The following AQP8 variants were observed in gnomAD, a reference collection of about 807,000 sequenced individuals.
The protein encoded by AQP8 is aquaporin 8, also known as aquaporin-8.
In AQP8, 14 loss-of-function variants were observed where a neutral mutation model predicts 26.1. The observed-to-expected ratio is 0.54, with a 90% confidence interval of 0.35 to 0.84. The LOEUF (loss-of-function observed/expected upper bound fraction) is 0.84, where lower values mean the gene tolerates loss of function less well. Among genes scored for constraint, AQP8 ranks in the 40% least tolerant of loss-of-function variants. The pLI, the probability that AQP8 is intolerant of heterozygous loss-of-function variation, is 0.01. For missense variants in AQP8, 301 were observed against 340.5 expected, an observed-to-expected ratio of 0.88 and a Z score of 0.91; for synonymous variants, 131 against 150.7, an observed-to-expected ratio of 0.87 and a Z score of 0.96.
In AQP8 at chr16:25,217,268, T is replaced by C. The variant is rs1962499896; in HGVS notation, c.83T>C (p.Val28Ala). The C allele has an allele frequency of 1.9e-6, 3 of 1,614,002 alleles. No individual in the cohort carries two copies. Among genetic ancestry groups the C allele is most frequent in the Admixed American group, 3.3e-5 (2 of 59,982 alleles). ...REPSVGGRWR[V>A]SWYERFVQPC... ...CCGAGCGTGGGTGGCAGGTGGCGAG[T>C]GTCCTGGTACGAACGGTTTGTGCAG... The change falls in exon 2 of 6, where the codon GTG becomes GCG. Residue 28 changes from valine to alanine, a missense_variant. Physicochemically the swap from Val to Ala is moderately conservative, Grantham distance 64. Coordinates refer to ENST00000219660, the MANE Select transcript of AQP8 (RefSeq NM_001169.3).
chr16:25,221,416 A>G, intron 2 of AQP8, 41 bp from the exon 3 acceptor site: 12 of 1,603,000 alleles, frequency 7.5e-6, no homozygotes, highest in Non-Finnish European at 1.0e-5. Context: ...CCATGTGGTC[A>G]GCCCTGGGCT....
chr16:25,217,344 C>A lies in AQP8; in HGVS notation c.159C>A (p.Cys53Ter). ...CTGCTCTCTTCATCTTCATCGGGTG[C>A]CTGTCGGTCATTGAGAATGGGACGG... is the stretch of plus-strand genomic sequence containing the variant. ...LGSALFIFIG[C>*]LSVIENGTDT... The change falls in exon 2 of 6, where the codon TGC becomes TGA. Residue 53 changes from cysteine (C) to a stop codon, truncating the protein, a stop_gained. Transcript: ENST00000219660. LOFTEE classifies it high-confidence loss of function. 1 of 1,614,146 alleles carries A rather than the reference C, an allele frequency of 6.2e-7. No homozygotes were observed. The highest frequency in any genetic ancestry group is 8.5e-7 in the Non-Finnish European group (1 of 1,180,010).
chr16:25,224,498 G>T lies in AQP8; in HGVS notation c.524G>T (p.Gly175Val), dbSNP rs749740434. 2.2e-5 allele frequency: 36 copies of T among 1,613,986 alleles called. No homozygotes were observed. Among genetic ancestry groups the T allele is most frequent in the Non-Finnish European group, 3.0e-5 (35 of 1,180,034 alleles). Residue 175 changes from glycine to valine, a missense_variant, in exon 4 of 6, where the codon GGT (glycine) becomes GTT (valine). By Grantham distance (109) the Gly-to-Val change is moderately radical. Coordinates refer to ENST00000219660, the MANE Select transcript of AQP8 (RefSeq NM_001169.3). Reference sequence around the variant, plus strand: ...CTGCTGGCCCTGGCTGTATGCATGGGTGCCATCAATGAGAAGACAAAGGGC... The same window carrying T: ...CTGCTGGCCCTGGCTGTATGCATGGTTGCCATCAATGAGAAGACAAAGGGC... The part of the protein sequence containing the change: ...TTLLALAVCM[G>V]AINEKTKGPL...
At chr16:25,224,323 C>T (rs1282334794) in intron 3 of AQP8, 39 bp from the exon 4 acceptor site, 1 of 1,573,320 alleles carries the variant, frequency 6.4e-7, no homozygotes, top group Admixed American at 1.8e-5. Flanking sequence ...CCAGCTGTCT[C>T]TCTGCCCCAC....
intron 2 of AQP8, among the ~76,000 whole-genome samples, chr16:25,218,203 G>T (rs1240277184): frequency 6.6e-6 from 1 of 152,164 alleles, no homozygotes; most frequent in African/African-American, 2.4e-5. Flanking sequence ...AACAGGCATT[G>T]GTTGCTGTGT....
intron 2 of AQP8, among the ~76,000 whole-genome samples, chr16:25,221,219 C>T (rs569688283): frequency 3.9e-5 from 6 of 152,260 alleles, no homozygotes; most frequent in African/African-American, 1.4e-4. Flanking sequence ...GCTCTTCCTC[C>T]AGGGCCATCC....
chr16:25,226,947 A>T (rs990235568), intron 4 of AQP8, 121 bp from the exon 5 acceptor site: 1 of 1,433,144 alleles, frequency 7.0e-7, no homozygotes, highest in African/African-American at 1.4e-5. Context: ...GGAGCTCATG[A>T]TGTAGGAGTT....
chr16:25,219,966 C>A (rs112754393), intron 2 of AQP8, among the ~76,000 whole-genome samples: 5,244 of 151,286 alleles, frequency 0.035, 113 homozygotes, highest in African/African-American at 0.049. Flanking sequence ...AACCAGGAGG[C>A]GGAGGTTGCA....
intron 4 of AQP8, among the ~76,000 whole-genome samples, chr16:25,226,577 G>C (rs116297794): frequency 0.011 from 1,673 of 152,124 alleles, 35 homozygotes; most frequent in African/African-American, 0.038. Context: ...GAGATGTTTT[G>C]ATACAGGTAT....
chr16:25,221,367 C>A lies in AQP8; in HGVS notation c.261-90C>A, dbSNP rs543568903. 4 of 1,528,824 alleles carry A rather than the reference C, an allele frequency of 2.6e-6. No homozygotes were observed. In the African/African-American group the frequency reaches 5.4e-5, roughly 21 times the overall value. The allele number at this position is 1,528,824 out of a possible 1,614,324, so 94.7% of individuals were successfully genotyped here. On this transcript the variant is annotated intron_variant, in intron 2 of 5. Transcript: ENST00000219660. ...ACTGACTCTTGCCCTGAGAGGCCAG[C>A]CTGGTGGGTTGGCTGGGACACACTG... is the stretch of plus-strand genomic sequence containing the variant.
Position 25,224,536 on chromosome 16 carries a change from T to G in AQP8, c.562T>G (p.Phe188Val), listed in dbSNP as rs765315094. 1.2e-6 allele frequency: 2 copies of G among 1,613,576 alleles called. No individual in the cohort carries two copies. Among genetic ancestry groups the G allele is most frequent in the Non-Finnish European group, 1.7e-6 (2 of 1,179,974 alleles). Residue 188 changes from phenylalanine to valine, a missense_variant, in exon 4 of 6, where the codon TTC becomes GTC. Physicochemically the swap from Phe to Val is conservative, Grantham distance 50. Transcript: ENST00000219660. Reference protein sequence around the residue: ...NEKTKGPLAPFSIGFAVTVDI... With the variant: ...NEKTKGPLAPVSIGFAVTVDI... ...GAAGACAAAGGGCCCTCTGGCCCCG[T>G]TCTCCATCGGCTTTGCCGTCACCGT... is the stretch of plus-strand genomic sequence containing the variant.
At chr16:25,217,530 C>T (rs568039720) in intron 2 of AQP8, 85 bp downstream of exon 2, 40 of 1,537,046 alleles carry the variant, frequency 2.6e-5, no homozygotes, top group African/African-American at 1.8e-4. Context: ...GACCCCTGGG[C>T]GCATACGTAT....
chr16:25,218,224 A>G (rs901005643), intron 2 of AQP8, among the ~76,000 whole-genome samples: 5 of 152,304 alleles, frequency 3.3e-5, no homozygotes, highest in Admixed American at 6.5e-5. Context: ...TATTGTTACC[A>G]CTAGAAGGGG....
intron 4 of AQP8, among the ~76,000 whole-genome samples, chr16:25,225,379 G>A (rs1962616675): frequency 6.6e-6 from 1 of 152,128 alleles, no homozygotes; most frequent in African/African-American, 2.4e-5. Context: ...CTCAACTTTG[G>A]GAGGTGGAGC....
Position 25,228,710 on chromosome 16 carries a change from A to G in AQP8, c.*218A>G. The stretch of plus-strand genomic sequence containing the variant: ...GCTCATCAGAGACCCCAGCCTGGGG[A>G]ACACGCTGCCCGCACTGCCCAGAGA... On this transcript the variant is annotated 3_prime_UTR_variant, in exon 6 of 6. Coordinates refer to ENST00000219660, the MANE Select transcript of AQP8 (RefSeq NM_001169.3). 1 of 548,990 alleles carries G rather than the reference A, an allele frequency of 1.8e-6. No homozygotes were observed. Among genetic ancestry groups the G allele is most frequent in the Non-Finnish European group, 3.3e-6 (1 of 305,156 alleles). 34.0% of individuals were successfully genotyped at this position (548,990 alleles called of 1,614,324 possible).
chr16:25,224,518 A>G lies in AQP8; in HGVS notation c.544A>G (p.Lys182Glu), dbSNP rs775276080. The G allele has an allele frequency of 7.4e-6, 12 of 1,613,912 alleles. 1 individual carries two copies. The South Asian group carries it at 1.3e-4, about 18-fold the overall frequency. ...VCMGAINEKT[K>E]GPLAPFSIGF... ...CATGGGTGCCATCAATGAGAAGACA[A>G]AGGGCCCTCTGGCCCCGTTCTCCAT... The change falls in exon 4 of 6, where the codon AAG (lysine) becomes GAG (glutamate). Residue 182 changes from lysine to glutamate, a missense_variant. Lys to Glu is a moderately conservative substitution (Grantham distance 56, BLOSUM62 1). Transcript: ENST00000219660.
At chr16:25,217,663 A>T in intron 2 of AQP8, among the ~76,000 whole-genome samples, 1 of 152,248 alleles carries the variant, frequency 6.6e-6, no homozygotes, top group East Asian at 1.9e-4. Context: ...GAGTAGCTGG[A>T]TCACAGGCAT....
At chr16:25,218,618 G>A (rs530598743) in intron 2 of AQP8, among the ~76,000 whole-genome samples, 20 of 152,320 alleles carry the variant, frequency 1.3e-4, no homozygotes, top group African/African-American at 3.8e-4. Flanking sequence ...AGTGGCTCAC[G>A]CCTGTAATCC....
At chr16:25,218,076 G>A (rs878871130) in intron 2 of AQP8, among the ~76,000 whole-genome samples, 1 of 152,216 alleles carries the variant, frequency 6.6e-6, no homozygotes, top group Admixed American at 6.5e-5. Flanking sequence ...GGGCCAGAAA[G>A]TGGCAGAGGC....
Sources: allele counts gnomAD v4.1 joint callset (sites outside exome capture counted in the v4.1 genomes callset), GRCh38; gene constraint gnomAD v4.1.1; transcripts MANE v1.5; gene names NCBI Gene and HGNC (gene_info 2026-07-23, HGNC 2026-07-21).